TGFA: variants seen among roughly 807,000 people sequenced by gnomAD.
TGFA encodes the protein transforming growth factor alpha.
In TGFA, 12 loss-of-function variants were observed where a neutral mutation model predicts 21.7. The ratio of observed to expected loss-of-function variants is 0.55; its 90% confidence interval spans 0.35 to 0.90. The LOEUF is 0.90. Ranked by LOEUF, TGFA falls within the 40% of genes least tolerant of loss-of-function variation. TGFA has a pLI of 0.01. For missense variants in TGFA, 178 were observed against 210.8 expected (o/e 0.84, Z 0.96); for synonymous variants, 79 against 88.1 (o/e 0.90, Z 0.58).
At chr2:70,455,252 T>C (rs1428853628) in intron 4 of TGFA, among the ~76,000 whole-genome samples, 2 of 152,204 alleles carry the variant, frequency 1.3e-5, no homozygotes, top group African/African-American at 4.8e-5. Context: ...GTGGCTACTG[T>C]CAACAAGCTG....
At chr2:70,515,967 G>A (rs1271787070) in intron 1 of TGFA, among the ~76,000 whole-genome samples, 1 of 152,224 alleles carries the variant, frequency 6.6e-6, no homozygotes, top group Admixed American at 6.5e-5. Flanking sequence ...CAGGGCCCTT[G>A]TGAGCATGGG....
intron 2 of TGFA, among the ~76,000 whole-genome samples, chr2:70,486,794 G>T (rs1466096629): frequency 4.0e-5 from 6 of 151,688 alleles, no homozygotes; most frequent in African/African-American, 1.5e-4. Flanking sequence ...ACAGAGTCTT[G>T]CTCTGTTGCC....
At chr2:70,496,518 ACT>A (rs1191919368) in intron 2 of TGFA, among the ~76,000 whole-genome samples, 1 of 152,132 alleles carries the variant, frequency 6.6e-6, no homozygotes, top group African/African-American at 2.4e-5. Flanking sequence ...CTCAGACCTG[ACT>A]CTGGCACAAA....
chr2:70,543,408 C>A (rs1016794123), intron 1 of TGFA, among the ~76,000 whole-genome samples: 1 of 151,894 alleles, frequency 6.6e-6, no homozygotes, highest in African/African-American at 2.4e-5. Flanking sequence ...CAGCTGTAAT[C>A]CCAGCTACTT....
intron 1 of TGFA, among the ~76,000 whole-genome samples, chr2:70,518,698 AC>A (rs1672360788): frequency 6.6e-6 from 1 of 152,230 alleles, no homozygotes; most frequent in African/African-American, 2.4e-5. Flanking sequence ...AGCGTCAGAC[AC>A]CCTTCATCAT....
intron 1 of TGFA, among the ~76,000 whole-genome samples, chr2:70,538,742 G>A (rs1001316203): frequency 2.6e-5 from 4 of 152,206 alleles, no homozygotes; most frequent in African/African-American, 9.7e-5. Context: ...TCCTGGTGAA[G>A]ATGCTGTGAA....
intron 1 of TGFA, among the ~76,000 whole-genome samples, chr2:70,531,265 G>T (rs1403974999): frequency 6.6e-6 from 1 of 152,146 alleles, no homozygotes; most frequent in African/African-American, 2.4e-5. Context: ...TCGAGGGGAG[G>T]CAGACACCCC....
chr2:70,452,681 C>T lies in TGFA; in HGVS notation c.475+537G>A, dbSNP rs572392046. On this transcript the variant is annotated intron_variant, in intron 5 of 5. Transcript: ENST00000295400. ...GGTAAGCCGGGCACAGTGGCTCATG[C>T]CTGTAATCCCAGCACTTTGGGAGGC... 2.0e-5 allele frequency among the ~76,000 whole-genome samples: 3 copies of T among 152,290 alleles called. No individual in the cohort carries two copies. In the South Asian group the frequency reaches 6.2e-4, roughly 32 times the overall value.
At chr2:70,510,581 T>G (rs1672065249) in intron 2 of TGFA, among the ~76,000 whole-genome samples, 1 of 151,754 alleles carries the variant, frequency 6.6e-6, no homozygotes. Context: ...CTCAGAAAAC[T>G]CAGAAAAAAC....
chr2:70,488,960 C>T (rs1671346873), intron 2 of TGFA, among the ~76,000 whole-genome samples: 1 of 152,200 alleles, frequency 6.6e-6, no homozygotes, highest in Non-Finnish European at 1.5e-5. Flanking sequence ...GGAAAGGCCT[C>T]CAGCCACCAA....
At chr2:70,492,689 G>A (rs370559832) in intron 2 of TGFA, among the ~76,000 whole-genome samples, 9 of 152,080 alleles carry the variant, frequency 5.9e-5, no homozygotes, top group African/African-American at 1.2e-4. Flanking sequence ...AACTGAATTC[G>A]TGTAAAGTAG....
chr2:70,533,847 A>G (rs80351254), intron 1 of TGFA, among the ~76,000 whole-genome samples: 2,305 of 152,138 alleles, frequency 0.015, 57 homozygotes, highest in African/African-American at 0.051. Flanking sequence ...CCTTTAAATA[A>G]GAGACAGATG....
At chr2:70,491,493 C>T (rs1671434034) in intron 2 of TGFA, among the ~76,000 whole-genome samples, 1 of 152,232 alleles carries the variant, frequency 6.6e-6, no homozygotes. Context: ...CCTGTGCTTC[C>T]ATGAGTCTCT....
chr2:70,488,047 T>G (rs902062434), intron 2 of TGFA, among the ~76,000 whole-genome samples: 1 of 152,266 alleles, frequency 6.6e-6, no homozygotes, highest in Admixed American at 6.5e-5. Context: ...CTGCATTTTC[T>G]TAATTTCTTG....
intron 2 of TGFA, among the ~76,000 whole-genome samples, chr2:70,504,406 T>TACCAAA (rs1167923987): frequency 8.5e-6 from 1 of 117,456 alleles, no homozygotes; most frequent in Non-Finnish European, 1.9e-5. Context: ...CAAGACTCTG[T>TACCAAA]ACCAAAACCA....
rs1291144402 is a variant in TGFA at position 70,448,196 on chromosome 2, G to GTCTA, written c.*2659_*2662dup. On this transcript the variant is annotated 3_prime_UTR_variant, in exon 6 of 6. Transcript: ENST00000295400. ...GTCTTCCAGATCAGGGTTGGCTGCT[G>GTCTA]TCTATCTTTCCATGTAGAAGAAAAC... 16 of 152,260 alleles carry GTCTA rather than the reference G, an allele frequency of 1.1e-4. No individual in the cohort carries two copies. The highest frequency in any genetic ancestry group is 3.9e-4 in the African/African-American group (16 of 41,538). 9.4% of individuals were successfully genotyped at this position (152,260 alleles called of 1,614,324 possible).
intron 2 of TGFA, among the ~76,000 whole-genome samples, chr2:70,477,796 T>C (rs374074725): frequency 1.2e-4 from 18 of 152,226 alleles, no homozygotes; most frequent in Admixed American, 2.0e-4. Flanking sequence ...TGGAAAGAAG[T>C]CTGCAGGGCC....
At chr2:70,542,260 T>A (rs1179228401) in intron 1 of TGFA, among the ~76,000 whole-genome samples, 1 of 152,198 alleles carries the variant, frequency 6.6e-6, no homozygotes, top group Non-Finnish European at 1.5e-5. Flanking sequence ...CAGCCACTTT[T>A]GTGTGACCAC....
intron 1 of TGFA, among the ~76,000 whole-genome samples, chr2:70,518,624 C>A (rs1553501903): frequency 6.6e-6 from 1 of 152,198 alleles, no homozygotes; most frequent in Admixed American, 6.5e-5. Context: ...AGGATACCCC[C>A]ACTCCAACTC....
Sources: allele counts gnomAD v4.1 joint callset (sites outside exome capture counted in the v4.1 genomes callset), GRCh38; gene constraint gnomAD v4.1.1; transcripts MANE v1.5; gene names NCBI Gene and HGNC (gene_info 2026-07-23, HGNC 2026-07-21).